Variants in GALNT17 observed in about 807,000 individuals in gnomAD.
GALNT17 encodes polypeptide N-acetylgalactosaminyltransferase 17.
GALNT17 carries 29 observed loss-of-function variants against 63.7 expected under a neutral mutation model. That is an observed-to-expected ratio of 0.46 (90% CI 0.34 to 0.62). The LOEUF (loss-of-function observed/expected upper bound fraction) is 0.62. GALNT17 is among the 20% of genes least tolerant of loss of function. The probability of loss-of-function intolerance (pLI) is 0.01; values close to 1 mark genes in which losing one functional copy is unlikely to be tolerated. For synonymous variants in GALNT17, 305 were observed against 318.3 expected (o/e 0.96, Z 0.45); for missense variants, 603 against 799.6 (o/e 0.75, Z 2.97).
At chr7:71,314,078 G>C (rs997359413) in intron 1 of GALNT17, among the ~76,000 whole-genome samples, 1 of 152,152 alleles carries the variant, frequency 6.6e-6, no homozygotes, top group African/African-American at 2.4e-5. Flanking sequence ...GGATGGAGGC[G>C]AATGTTACCC....
intron 1 of GALNT17, among the ~76,000 whole-genome samples, chr7:71,151,555 A>G (rs1788132825): frequency 6.6e-6 from 1 of 151,398 alleles, no homozygotes; most frequent in African/African-American, 2.4e-5. Flanking sequence ...CAGGAGGCAG[A>G]GCTTGCAGTG....
chr7:71,516,949 T>A (rs1382263724), intron 5 of GALNT17, among the ~76,000 whole-genome samples: 2 of 152,194 alleles, frequency 1.3e-5, no homozygotes, highest in Non-Finnish European at 2.9e-5. Context: ...CTCAGTGGAA[T>A]CTCCTGAGCC....
intron 1 of GALNT17, among the ~76,000 whole-genome samples, chr7:71,241,612 G>A (rs10434989): frequency 0.46 from 69,503 of 152,008 alleles, 16,560 homozygotes; most frequent in East Asian, 0.81. Flanking sequence ...CTGAGGCTGG[G>A]TGCAGTGTCT....
chr7:71,467,798 G>T (rs768875228), intron 5 of GALNT17, among the ~76,000 whole-genome samples: 4 of 152,072 alleles, frequency 2.6e-5, no homozygotes, highest in Admixed American at 6.6e-5. Context: ...CTCAAAATCT[G>T]CAGGGAAACC....
chr7:71,261,791 T>C (rs989695045), intron 1 of GALNT17, among the ~76,000 whole-genome samples: 3 of 152,212 alleles, frequency 2.0e-5, no homozygotes, highest in Admixed American at 6.5e-5. Context: ...GTCTCAGCTT[T>C]TTGCACGTGT....
chr7:71,374,834 A>AT (rs71089940), intron 2 of GALNT17, among the ~76,000 whole-genome samples: 11,510 of 109,418 alleles, frequency 0.11, 662 homozygotes, highest in Middle Eastern at 0.14. Flanking sequence ...CTTGAGGAGG[A>AT]TTTTTTTTTT....
intron 3 of GALNT17, among the ~76,000 whole-genome samples, chr7:71,404,972 G>C (rs1341030916): frequency 6.6e-6 from 1 of 152,206 alleles, no homozygotes; most frequent in African/African-American, 2.4e-5. Flanking sequence ...TTCACTCTCT[G>C]AAACTGGTGC....
intron 1 of GALNT17, among the ~76,000 whole-genome samples, chr7:71,146,614 C>T (rs740206): frequency 0.021 from 3,138 of 152,196 alleles, 91 homozygotes; most frequent in African/African-American, 0.062. Flanking sequence ...CCTCCCTCGC[C>T]GCCATCCTCC....
At chr7:71,593,353 C>T (rs1290767919) in intron 6 of GALNT17, among the ~76,000 whole-genome samples, 2 of 148,414 alleles carry the variant, frequency 1.3e-5, no homozygotes, top group Admixed American at 1.4e-4. Flanking sequence ...ACATCCTCCG[C>T]CTCCTGGGTT....
At chr7:71,421,414 A>G (rs150267635) in intron 5 of GALNT17, among the ~76,000 whole-genome samples, 25 of 152,194 alleles carry the variant, frequency 1.6e-4, no homozygotes, top group African/African-American at 5.8e-4. Context: ...GCTTTTAAGG[A>G]TGAAGTTTGA....
At chr7:71,312,063 C>T (rs989662366) in intron 1 of GALNT17, among the ~76,000 whole-genome samples, 55 of 152,228 alleles carry the variant, frequency 3.6e-4, no homozygotes, top group African/African-American at 1.3e-3. Context: ...TGTGGCAACA[C>T]CCTAAAGTTA....
chr7:71,456,391 T>G (rs1182863469), intron 5 of GALNT17, among the ~76,000 whole-genome samples: 1 of 152,022 alleles, frequency 6.6e-6, no homozygotes, highest in Non-Finnish European at 1.5e-5. Flanking sequence ...CTTATGATAT[T>G]AAATTCATAT....
chr7:71,490,180 C>A (rs762206168), intron 5 of GALNT17, among the ~76,000 whole-genome samples: 41 of 151,790 alleles, frequency 2.7e-4, no homozygotes, highest in Admixed American at 5.3e-4. Context: ...TCATTTGAAC[C>A]TGGGAGGCAG....
intron 6 of GALNT17, among the ~76,000 whole-genome samples, chr7:71,574,024 C>T (rs148129573): frequency 1.1e-4 from 17 of 152,304 alleles, no homozygotes; most frequent in African/African-American, 3.4e-4. Context: ...TATTCCATTG[C>T]GTACATGTAC....
intron 6 of GALNT17, among the ~76,000 whole-genome samples, chr7:71,650,857 T>C (rs1466405784): frequency 6.6e-6 from 1 of 152,154 alleles, no homozygotes; most frequent in Non-Finnish European, 1.5e-5. Context: ...CATTCTATTT[T>C]TAAGCTCTGA....
chr7:71,216,787 C>T (rs980286296), intron 1 of GALNT17, among the ~76,000 whole-genome samples: 1 of 151,792 alleles, frequency 6.6e-6, no homozygotes, highest in Non-Finnish European at 1.5e-5. Context: ...CACATATATA[C>T]ATACACATAT....
At chr7:71,293,434 G>A (rs916260714) in intron 1 of GALNT17, among the ~76,000 whole-genome samples, 6 of 151,938 alleles carry the variant, frequency 3.9e-5, no homozygotes, top group Non-Finnish European at 7.4e-5. Context: ...TTTAATTTCC[G>A]TTTCCCTGAG....
chr7:71,467,072 G>A (rs1787547876), intron 5 of GALNT17, among the ~76,000 whole-genome samples: 1 of 152,114 alleles, frequency 6.6e-6, no homozygotes. Context: ...TTTCTTCATG[G>A]CCTCTGACAT....
At chr7:71,211,018 G>A (rs10281055) in intron 1 of GALNT17, among the ~76,000 whole-genome samples, 10,607 of 152,094 alleles carry the variant, frequency 0.07, 513 homozygotes, top group East Asian at 0.21. Context: ...CAATTACATT[G>A]TTCAGATCAA....
Sources: allele counts gnomAD v4.1 joint callset (sites outside exome capture counted in the v4.1 genomes callset), GRCh38; gene constraint gnomAD v4.1.1; transcripts MANE v1.5; gene names NCBI Gene and HGNC (gene_info 2026-07-23, HGNC 2026-07-21).